Variants in FRMD3 observed in about 807,000 individuals in gnomAD.
FRMD3 encodes the protein FERM domain containing 3.
Under a neutral mutation model 70.2 loss-of-function variants are expected in FRMD3, and 33 were observed. The ratio of observed to expected loss-of-function variants is 0.47; its 90% CI spans 0.36 to 0.63. The LOEUF is 0.63. Ranked by LOEUF, FRMD3 falls within the 20% of genes least tolerant of loss-of-function variation. The pLI, the probability that FRMD3 is intolerant of heterozygous loss-of-function variation, is 0.00. For missense variants in FRMD3, 632 were observed against 711.4 expected, an observed-to-expected ratio of 0.89 and a Z score of 1.27; for synonymous variants, 279 against 255.9, an observed-to-expected ratio of 1.09 and a Z score of -0.86.
intron 5 of FRMD3, among the ~76,000 whole-genome samples, chr9:83,342,163 T>G (rs993294169): frequency 5.9e-5 from 9 of 152,002 alleles, no homozygotes; most frequent in Non-Finnish European, 1.3e-4. Context: ...CAGCTGCCTC[T>G]CAACTGGCCC....
chr9:83,385,751 AT>A (rs946467236), intron 2 of FRMD3, among the ~76,000 whole-genome samples: 3 of 151,866 alleles, frequency 2.0e-5, no homozygotes, highest in African/African-American at 7.3e-5. Context: ...AAAAAAAAAA[AT>A]GTTGGTCAAT....
chr9:83,453,513 T>A (rs1587868553), intron 1 of FRMD3, among the ~76,000 whole-genome samples: 1 of 152,168 alleles, frequency 6.6e-6, no homozygotes, highest in East Asian at 1.9e-4. Flanking sequence ...AAAATCTAGA[T>A]ACAGATAAAG....
chr9:83,270,770 G>T (rs112363384), intron 13 of FRMD3, among the ~76,000 whole-genome samples: 2 of 152,172 alleles, frequency 1.3e-5, no homozygotes, highest in African/African-American at 4.8e-5. Context: ...TAATACACAT[G>T]GCATTCTCAG....
At chr9:83,421,182 C>T (rs7857982) in intron 1 of FRMD3, among the ~76,000 whole-genome samples, 33,484 of 151,254 alleles carry the variant, frequency 0.22, 3,851 homozygotes, top group Non-Finnish European at 0.26. Context: ...CCTCATGATC[C>T]GCCCGCCTCT....
chr9:83,573,782 C>A, the FRMD3 span, among the ~76,000 whole-genome samples: 53 of 152,030 alleles, frequency 3.5e-4, no homozygotes, highest in African/African-American at 1.2e-3. Flanking sequence ...CCTGACCCCC[C>A]ACCTTGCCAC....
At chr9:83,307,570 T>C (rs1382735762) in intron 10 of FRMD3, among the ~76,000 whole-genome samples, 3 of 152,258 alleles carry the variant, frequency 2.0e-5, no homozygotes, top group African/African-American at 4.8e-5. Flanking sequence ...ACATCGTTTA[T>C]GATTCCACTT....
At chr9:83,536,947 A>G (rs1476365514) in intron 1 of FRMD3, among the ~76,000 whole-genome samples, 1 of 150,702 alleles carries the variant, frequency 6.6e-6, no homozygotes, top group Non-Finnish European at 1.5e-5. Flanking sequence ...AAAAAAAAAA[A>G]AAAAAAGCTC....
At chr9:83,352,851 C>A (rs933495428) in intron 3 of FRMD3, among the ~76,000 whole-genome samples, 1 of 152,116 alleles carries the variant, frequency 6.6e-6, no homozygotes, top group Admixed American at 6.6e-5. Flanking sequence ...TTACAATAGG[C>A]CCACAGTCTT....
At chr9:83,526,155 C>T (rs1829680078) in intron 1 of FRMD3, among the ~76,000 whole-genome samples, 1 of 152,242 alleles carries the variant, frequency 6.6e-6, no homozygotes, top group South Asian at 2.1e-4. Context: ...TCTATCTCCT[C>T]AGTGTCAGCT....
At chr9:83,252,236 A>G (rs1832463317) in intron 13 of FRMD3, among the ~76,000 whole-genome samples, 1 of 151,194 alleles carries the variant, frequency 6.6e-6, no homozygotes, top group South Asian at 2.1e-4. Context: ...TAAAGAAAAG[A>G]ACTTCCAACC....
intron 13 of FRMD3, among the ~76,000 whole-genome samples, chr9:83,267,833 C>T (rs1377284198): frequency 1.3e-5 from 2 of 152,134 alleles, no homozygotes; most frequent in Non-Finnish European, 2.9e-5. Flanking sequence ...CATCTCAATT[C>T]GAACCAGCTC....
rs963749533 is a variant in FRMD3 at position 83,534,503 on chromosome 9, T to G, written c.147+3582A>C. ...GCAAAGATCCTAGGGGGTGGGGAGG[T>G]AACAAGGAGAATACTCTGCCTTCTC... On this transcript the variant is annotated intron_variant, in intron 1 of 13. Transcript: ENST00000304195. Among the ~76,000 whole-genome samples, 5 of 152,194 alleles carry G rather than the reference T, an allele frequency of 3.3e-5. No individual in the cohort carries two copies. In the South Asian group the frequency reaches 8.3e-4, roughly 25 times the overall value.
Position 83,245,626 on chromosome 9 carries a change from C to T in FRMD3, c.*2292G>A. 2.4e-6 allele frequency: 2 copies of T among 816,362 alleles called. No individual in the cohort carries two copies. Among genetic ancestry groups the T allele is most frequent in the Non-Finnish European group, 3.0e-6 (2 of 675,940 alleles). 50.6% of individuals were successfully genotyped at this position (816,362 alleles called of 1,614,324 possible). On this transcript the variant is annotated 3_prime_UTR_variant, in exon 14 of 14. Coordinates refer to ENST00000304195, the MANE Select transcript of FRMD3 (RefSeq NM_174938.6). ...ACTATCATATTTTTTAAGTATTTTA[C>T]AATGGAAAATATATTAGTTCCATAA... is the stretch of plus-strand genomic sequence containing the variant.
chr9:83,379,275 G>A (rs1825284370), intron 2 of FRMD3, among the ~76,000 whole-genome samples: 1 of 152,014 alleles, frequency 6.6e-6, no homozygotes, highest in Non-Finnish European at 1.5e-5. Flanking sequence ...TTACACTTGA[G>A]GGAAAAAATA....
chr9:83,411,561 T>C (rs544899555), intron 1 of FRMD3, among the ~76,000 whole-genome samples: 4 of 152,228 alleles, frequency 2.6e-5, no homozygotes, highest in Non-Finnish European at 5.9e-5. Context: ...TGCTGGATAC[T>C]CCTTTGTAAA....
intron 5 of FRMD3, among the ~76,000 whole-genome samples, chr9:83,342,234 G>A (rs1274599185): frequency 2.0e-5 from 3 of 152,138 alleles, no homozygotes; most frequent in Non-Finnish European, 4.4e-5. Context: ...TGGCCATATG[G>A]TGCCTCAGGC....
Position 83,272,994 on chromosome 9 carries a change from G to A in FRMD3, c.1195+17609C>T, listed in dbSNP as rs1268084991. ...AGCATCTCCGCCCGGCAGCCGCCCC[G>A]TCCGGGAGGGAGGTGGGGGGCAGCC... On this transcript the variant is annotated intron_variant, in intron 13 of 13. Coordinates refer to ENST00000304195, the MANE Select transcript of FRMD3 (RefSeq NM_174938.6). 3.0e-3 allele frequency among the ~76,000 whole-genome samples: 430 copies of A among 144,694 alleles called. 1 individual carries two copies. Among genetic ancestry groups the A allele is most frequent in the African/African-American group, 0.011 (415 of 38,608 alleles). The allele number at this position is 144,694 out of a possible 152,430, so 94.9% of individuals were successfully genotyped here.
At chr9:83,536,174 G>C (rs1031676423) in intron 1 of FRMD3, among the ~76,000 whole-genome samples, 1 of 152,186 alleles carries the variant, frequency 6.6e-6, no homozygotes, top group South Asian at 2.1e-4. Context: ...CAGTGCCCAA[G>C]CCAACATTTT....
chr9:83,245,897 C>CCAAT lies in FRMD3; in HGVS notation c.*2017_*2020dup, dbSNP rs1224857506. 1 of 982,850 alleles carries CCAAT rather than the reference C, an allele frequency of 1.0e-6. No individual in the cohort carries two copies. Among genetic ancestry groups the CCAAT allele is most frequent in the Non-Finnish European group, 1.2e-6 (1 of 827,926 alleles). 60.9% of individuals were successfully genotyped at this position (982,850 alleles called of 1,614,324 possible). ...CTTCCAAAATAAATTGTTGAGGATT[C>CCAAT]CAATCACAGAAAATATATTCCTAAA... is the stretch of plus-strand genomic sequence containing the variant. On this transcript the variant is annotated 3_prime_UTR_variant, in exon 14 of 14. Coordinates refer to ENST00000304195, the MANE Select transcript of FRMD3 (RefSeq NM_174938.6).
Sources: allele counts gnomAD v4.1 joint callset (sites outside exome capture counted in the v4.1 genomes callset), GRCh38; gene constraint gnomAD v4.1.1; transcripts MANE v1.5; gene names NCBI Gene and HGNC (gene_info 2026-07-23, HGNC 2026-07-21).